The following THSD4 variants were observed in gnomAD, a reference collection of about 807,000 sequenced individuals.
THSD4 encodes the protein thrombospondin type 1 domain containing 4, also known as thrombospondin type-1 domain-containing protein 4.
A neutral mutation model predicts 119.0 loss-of-function variants in THSD4; 69 were observed. That is an observed-to-expected ratio of 0.58 (90% CI 0.48 to 0.71). The LOEUF (loss-of-function observed/expected upper bound fraction) is 0.71. Ranked by LOEUF, THSD4 falls within the 30% of genes least tolerant of loss-of-function variation. The pLI, the probability that THSD4 is intolerant of heterozygous loss-of-function variation, is 0.00. For missense variants in THSD4, 1,393 were observed against 1,391.1 expected (o/e 1.00, Z -0.02); for synonymous variants, 524 against 540.4 (o/e 0.97, Z 0.42).
At chr15:71,377,900 A>ACCCACACACC (rs1468912646) in intron 6 of THSD4, among the ~76,000 whole-genome samples, 1 of 119,938 alleles carries the variant, frequency 8.3e-6, no homozygotes, top group Non-Finnish European at 1.7e-5. Flanking sequence ...ACACACACAC[A>ACCCACACACC]CACACACACA....
chr15:71,629,696 A>G (rs1875417), intron 7 of THSD4, among the ~76,000 whole-genome samples: 98,809 of 152,020 alleles, frequency 0.65, 32,277 homozygotes, highest in African/African-American at 0.67. Context: ...TCCACATCCC[A>G]TACCTACATT....
intron 1 of THSD4, among the ~76,000 whole-genome samples, chr15:71,133,177 G>C (rs1347591843): frequency 6.6e-6 from 1 of 152,210 alleles, no homozygotes; most frequent in Non-Finnish European, 1.5e-5. Context: ...GCTGGAGTGT[G>C]TCTAGGTGTC....
At chr15:71,165,351 C>CAA (rs36042691) in intron 3 of THSD4, 414,545 of 1,502,446 alleles carry the variant, frequency 0.28, 59,454 homozygotes, top group East Asian at 0.46. Flanking sequence ...CTCCTCCCGA[C>CAA]GTTTGCACAA....
At chr15:71,748,355 A>G (rs2053379341) in intron 13 of THSD4, 66 bp from the exon 14 acceptor site, 4 of 1,588,136 alleles carry the variant, frequency 2.5e-6, no homozygotes, top group Non-Finnish European at 3.4e-6. Flanking sequence ...TGCGGGCTCC[A>G]TACTGGCAAT....
chr15:71,581,745 T>C (rs1465720464), intron 7 of THSD4, among the ~76,000 whole-genome samples: 1 of 152,180 alleles, frequency 6.6e-6, no homozygotes, highest in Non-Finnish European at 1.5e-5. Flanking sequence ...GGACATCCAG[T>C]TTTCCCAGCA....
intron 2 of THSD4, among the ~76,000 whole-genome samples, chr15:71,143,701 T>C (rs1483849657): frequency 8.2e-6 from 1 of 122,264 alleles, no homozygotes; most frequent in Non-Finnish European, 1.7e-5. Flanking sequence ...TTTTTCTTTC[T>C]TTTTTTTTTT....
intron 6 of THSD4, among the ~76,000 whole-genome samples, chr15:71,281,570 G>A (rs775661323): frequency 1.4e-4 from 22 of 152,276 alleles, no homozygotes; most frequent in Admixed American, 1.2e-3. Context: ...GTTGCAAAAC[G>A]ATTCTTCATT....
At chr15:71,777,119 G>A (rs2053927305) in intron 17 of THSD4, 113 bp from the exon 18 acceptor site, 2 of 1,231,024 alleles carry the variant, frequency 1.6e-6, no homozygotes, top group Non-Finnish European at 2.4e-6. Flanking sequence ...CCCCACAATG[G>A]TAATAAACAG....
chr15:71,230,600 A>G (rs2044053057), intron 4 of THSD4, among the ~76,000 whole-genome samples: 2 of 152,232 alleles, frequency 1.3e-5, no homozygotes, highest in Admixed American at 6.5e-5. Context: ...CAGGGTGTGG[A>G]ATGACTTGCC....
chr15:71,594,700 G>A (rs376638905), intron 7 of THSD4, among the ~76,000 whole-genome samples: 2 of 152,306 alleles, frequency 1.3e-5, no homozygotes, highest in East Asian at 3.9e-4. Flanking sequence ...AGACCTCCAT[G>A]TATCGAACAA....
At chr15:71,737,649 C>T in intron 10 of THSD4, 83 bp from the exon 11 acceptor site, 4 of 1,477,786 alleles carry the variant, frequency 2.7e-6, no homozygotes, top group Admixed American at 2.5e-5. Context: ...GCTACACAGT[C>T]TCTAATGTCG....
intron 3 of THSD4, chr15:71,186,173 G>A (rs2141431800): frequency 6.6e-6 from 1 of 152,276 alleles, no homozygotes; most frequent in African/African-American, 2.4e-5. Flanking sequence ...TAATAAGTAA[G>A]ATGCAATGGG....
intron 3 of THSD4, among the ~76,000 whole-genome samples, chr15:71,171,450 A>C (rs1378394394): frequency 2.0e-5 from 3 of 152,222 alleles, no homozygotes; most frequent in African/African-American, 7.2e-5. Flanking sequence ...TTAAAAATGA[A>C]GGTAAAATAA....
At chr15:71,622,971 G>T (rs1345380255) in intron 7 of THSD4, among the ~76,000 whole-genome samples, 1 of 152,110 alleles carries the variant, frequency 6.6e-6, no homozygotes, top group Non-Finnish European at 1.5e-5. Context: ...CATGTTCCAA[G>T]GACAAGGAAG....
intron 6 of THSD4, among the ~76,000 whole-genome samples, chr15:71,356,068 G>A (rs1047261419): frequency 7.9e-5 from 12 of 151,890 alleles, no homozygotes; most frequent in Middle Eastern, 3.2e-3. Flanking sequence ...GGGTTTCACC[G>A]TGTTGCCCAA....
chr15:71,227,783 C>T (rs1190608032), intron 4 of THSD4, among the ~76,000 whole-genome samples: 2 of 152,164 alleles, frequency 1.3e-5, no homozygotes, highest in East Asian at 1.9e-4. Flanking sequence ...GGGTAATTTA[C>T]GTGAGGTTTA....
chr15:71,475,073 AT>A (rs1302569006), intron 7 of THSD4, among the ~76,000 whole-genome samples: 1 of 152,174 alleles, frequency 6.6e-6, no homozygotes, highest in African/African-American at 2.4e-5. Context: ...CCTCCAGATG[AT>A]TCTGATGCAA....
chr15:71,487,406 T>G (rs1438904220), intron 7 of THSD4, among the ~76,000 whole-genome samples: 1 of 152,218 alleles, frequency 6.6e-6, no homozygotes, highest in Non-Finnish European at 1.5e-5. Flanking sequence ...GAAACTGTTT[T>G]CTGGAAAGTC....
At chr15:71,153,283 A>G (rs1288593731) in intron 2 of THSD4, among the ~76,000 whole-genome samples, 1 of 152,178 alleles carries the variant, frequency 6.6e-6, no homozygotes, top group Non-Finnish European at 1.5e-5. Context: ...CACACCTAGC[A>G]AACTCCATCC....
Sources: allele counts gnomAD v4.1 joint callset (sites outside exome capture counted in the v4.1 genomes callset), GRCh38; gene constraint gnomAD v4.1.1; transcripts MANE v1.5; gene names NCBI Gene and HGNC (gene_info 2026-07-23, HGNC 2026-07-21).